Variants in TBCA observed in about 807,000 individuals in gnomAD.
TBCA encodes the protein tubulin folding cofactor A, also known as tubulin-specific chaperone A.
In TBCA, 6 loss-of-function variants were observed where a neutral mutation model predicts 15.8. The ratio of observed to expected loss-of-function variants is 0.38; its 90% CI spans 0.21 to 0.75. The LOEUF is 0.75. Among genes scored for constraint, TBCA ranks in the 30% least tolerant of loss-of-function variants. The pLI is 0.46. For missense variants in TBCA, 90 were observed against 131.2 expected (o/e 0.69, Z 1.53); for synonymous variants, 32 against 42.3 (o/e 0.76, Z 0.94).
At chr5:77,755,830 C>A (rs372410579) in intron 1 of TBCA, among the ~76,000 whole-genome samples, 114 of 152,106 alleles carry the variant, frequency 7.5e-4, no homozygotes, top group African/African-American at 2.6e-3. Context: ...CATGGAAAAA[C>A]CCTGTCTCTA....
intron 1 of TBCA, among the ~76,000 whole-genome samples, chr5:77,763,758 T>G (rs1580137066): frequency 6.6e-6 from 1 of 152,166 alleles, no homozygotes; most frequent in Non-Finnish European, 1.5e-5. Flanking sequence ...TCCAGAACTT[T>G]GAGAAATAAA....
At chr5:77,728,008 T>C (rs1746670552) in intron 1 of TBCA, among the ~76,000 whole-genome samples, 1 of 152,072 alleles carries the variant, frequency 6.6e-6, no homozygotes. Context: ...AAGCAAGGAA[T>C]TTTCAGGCTT....
chr5:77,740,946 G>A (rs962828841), intron 1 of TBCA, among the ~76,000 whole-genome samples: 2 of 152,080 alleles, frequency 1.3e-5, no homozygotes, highest in African/African-American at 4.8e-5. Context: ...AAATAACAGA[G>A]AAAAGAGTCA....
intron 1 of TBCA, among the ~76,000 whole-genome samples, chr5:77,746,663 T>G (rs1016048996): frequency 1.8e-4 from 28 of 152,198 alleles, no homozygotes; most frequent in Admixed American, 4.6e-4. Context: ...TGAATAGGGA[T>G]GAGAAACAAT....
At chr5:77,715,358 G>T (rs1419929937) in intron 1 of TBCA, 1 of 687,420 alleles carries the variant, frequency 1.5e-6, no homozygotes, top group Non-Finnish European at 2.6e-6. Flanking sequence ...CTGTGCTATA[G>T]GCCTGAAAAA....
intron 2 of TBCA, among the ~76,000 whole-genome samples, chr5:77,696,732 G>A (rs2662356): frequency 0.38 from 58,189 of 152,004 alleles, 11,195 homozygotes; most frequent in South Asian, 0.41. Flanking sequence ...GACCAGCCTG[G>A]GCAACACAGT....
rs1580085014 is a variant in TBCA at position 77,691,251 on chromosome 5, T to G, written c.*167A>C. The G allele has an allele frequency of 1.6e-6, 1 of 626,220 alleles. No homozygotes were observed. Among genetic ancestry groups the G allele is most frequent in the Non-Finnish European group, 2.7e-6 (1 of 370,940 alleles). 38.8% of individuals were successfully genotyped at this position (626,220 alleles called of 1,614,324 possible). On this transcript the variant is annotated 3_prime_UTR_variant, in exon 4 of 4. Coordinates refer to ENST00000380377, the MANE Select transcript of TBCA (RefSeq NM_004607.3). ...GTATAAAATAAACAATTTTATTAGA[T>G]GAACTCATTTATTTGACATATTAAA... is the stretch of plus-strand genomic sequence containing the variant.
chr5:77,751,781 C>T lies in TBCA; in HGVS notation c.53+24424G>A, dbSNP rs1396282659. ...GTGGGAGACCAGAGTTTTATTATTA[C>T]TCAAATCAGTCTCCCTGAGCATTCA... On this transcript the variant is annotated intron_variant, in intron 1 of 3. Coordinates refer to ENST00000380377, the MANE Select transcript of TBCA (RefSeq NM_004607.3). Among the ~76,000 whole-genome samples, 4 of 152,268 alleles carry T rather than the reference C, an allele frequency of 2.6e-5. No homozygotes were observed. In the East Asian group the frequency reaches 5.8e-4, roughly 22 times the overall value.
intron 3 of TBCA, chr5:77,691,960 G>C: frequency 4.1e-6 from 4 of 986,268 alleles, no homozygotes; most frequent in East Asian, 1.1e-4. Context: ...TATAATCTTT[G>C]AATTAAACAA....
chr5:77,691,776 A>C, intron 3 of TBCA: 1 of 1,058,138 alleles, frequency 9.5e-7, no homozygotes, highest in Non-Finnish European at 1.1e-6. Flanking sequence ...TAATTAAATA[A>C]AAACCTCAGA....
chr5:77,713,273 A>G (rs953851542), intron 1 of TBCA, among the ~76,000 whole-genome samples: 2 of 152,180 alleles, frequency 1.3e-5, no homozygotes, highest in Non-Finnish European at 2.9e-5. Flanking sequence ...TCCAGCCTGA[A>G]TAACAGAGCA....
At chr5:77,749,066 T>TG (rs1747255539) in intron 1 of TBCA, among the ~76,000 whole-genome samples, 1 of 152,232 alleles carries the variant, frequency 6.6e-6, no homozygotes, top group Admixed American at 6.5e-5. Flanking sequence ...TCTGCTTCTT[T>TG]GGGGCACTTT....
At chr5:77,766,002 ATAACT>A (rs1467934029) in intron 1 of TBCA, among the ~76,000 whole-genome samples, 2 of 152,190 alleles carry the variant, frequency 1.3e-5, no homozygotes, top group African/African-American at 2.4e-5. Context: ...TGTATACTGC[ATAACT>A]TAACAATGTA....
chr5:77,720,346 T>G (rs1746504098), intron 1 of TBCA, among the ~76,000 whole-genome samples: 3 of 152,104 alleles, frequency 2.0e-5, no homozygotes, highest in Non-Finnish European at 2.9e-5. Flanking sequence ...CTTGTGAACA[T>G]CATGGGGAAA....
At chr5:77,735,265 T>C (rs1346219726) in intron 1 of TBCA, among the ~76,000 whole-genome samples, 2 of 152,208 alleles carry the variant, frequency 1.3e-5, no homozygotes, top group Non-Finnish European at 2.9e-5. Flanking sequence ...TTTACTCAGA[T>C]TGGCAAATGC....
At chr5:77,744,598 C>T (rs931336620) in intron 1 of TBCA, among the ~76,000 whole-genome samples, 3 of 134,760 alleles carry the variant, frequency 2.2e-5, no homozygotes, top group Non-Finnish European at 4.5e-5. Flanking sequence ...GACAGTGGCG[C>T]GATCTCGGCT....
At chr5:77,775,719 A>G (rs1748004114) in intron 1 of TBCA, among the ~76,000 whole-genome samples, 1 of 152,198 alleles carries the variant, frequency 6.6e-6, no homozygotes, top group South Asian at 2.1e-4. Context: ...ATGTTAGGTC[A>G]CACGGCTCCA....
intron 1 of TBCA, among the ~76,000 whole-genome samples, chr5:77,745,088 T>C (rs896124461): frequency 6.6e-6 from 1 of 152,192 alleles, no homozygotes. Context: ...CTAATGTAGA[T>C]AACGGCACAC....
intron 1 of TBCA, among the ~76,000 whole-genome samples, chr5:77,767,654 G>A (rs930363640): frequency 2.0e-5 from 3 of 152,166 alleles, no homozygotes; most frequent in Non-Finnish European, 2.9e-5. Flanking sequence ...AGAACACAAG[G>A]TTCATACTCT....
Sources: gnomAD v4.1 joint callset for allele counts (sites outside exome capture counted in the v4.1 genomes callset) on GRCh38, gnomAD v4.1.1 for gene constraint, MANE v1.5 for transcripts, NCBI Gene and HGNC (gene_info 2026-07-23, HGNC 2026-07-21) for gene names.